MMP16: variants seen among roughly 807,000 people sequenced by gnomAD.
The protein encoded by MMP16 is matrix metallopeptidase 16, also known as matrix metalloproteinase-16.
A neutral mutation model predicts 67.8 loss-of-function variants in MMP16; 12 were observed. That is an observed-to-expected ratio of 0.18 (90% CI 0.11 to 0.29). The LOEUF (loss-of-function observed/expected upper bound fraction) is 0.29. Ranked by LOEUF, MMP16 falls within the 10% of genes least tolerant of loss-of-function variation. The pLI is 1.00. For synonymous variants in MMP16, 249 were observed against 255.9 expected (o/e 0.97, Z 0.26); for missense variants, 475 against 765.7 (o/e 0.62, Z 4.48).
intron 6 of MMP16, among the ~76,000 whole-genome samples, chr8:88,081,343 G>T (rs1428710533): frequency 6.6e-6 from 1 of 152,112 alleles, no homozygotes; most frequent in East Asian, 1.9e-4. Context: ...TCAAAAGCAT[G>T]GAGAAAAAGC....
chr8:88,268,795 T>C (rs1220180927), intron 1 of MMP16, among the ~76,000 whole-genome samples: 2 of 150,650 alleles, frequency 1.3e-5, no homozygotes, highest in Non-Finnish European at 2.9e-5. Flanking sequence ...TCTTTCTCCA[T>C]TTCTTCACAA....
At chr8:88,068,793 C>T (rs1808496070) in intron 7 of MMP16, among the ~76,000 whole-genome samples, 1 of 152,022 alleles carries the variant, frequency 6.6e-6, no homozygotes, top group South Asian at 2.1e-4. Flanking sequence ...CCTCTGCCTC[C>T]CGGGATCAAG....
chr8:88,138,541 C>T (rs914858152), intron 4 of MMP16, among the ~76,000 whole-genome samples: 2 of 152,038 alleles, frequency 1.3e-5, no homozygotes, highest in African/African-American at 4.8e-5. Flanking sequence ...TGCTTCCCTA[C>T]TCTCACGGAT....
intron 2 of MMP16, among the ~76,000 whole-genome samples, chr8:88,195,486 A>G (rs1809235079): frequency 6.6e-6 from 1 of 152,208 alleles, no homozygotes. Flanking sequence ...AACGCTGTCC[A>G]CAGCACTTTG....
chr8:88,288,506 T>C (rs1202710528), intron 1 of MMP16, among the ~76,000 whole-genome samples: 1 of 152,214 alleles, frequency 6.6e-6, no homozygotes, highest in Non-Finnish European at 1.5e-5. Flanking sequence ...CTGAGGTATA[T>C]GATCTATCAT....
intron 1 of MMP16, among the ~76,000 whole-genome samples, chr8:88,294,070 G>A (rs969248940): frequency 2.0e-5 from 3 of 151,896 alleles, no homozygotes; most frequent in Non-Finnish European, 4.4e-5. Flanking sequence ...GGAGACATTT[G>A]CATGTCTAAC....
At chr8:88,170,659 A>G (rs912838691) in intron 3 of MMP16, among the ~76,000 whole-genome samples, 3 of 152,160 alleles carry the variant, frequency 2.0e-5, no homozygotes, top group African/African-American at 7.2e-5. Flanking sequence ...CAGAAAAAAA[A>G]GATAATTTCA....
intron 6 of MMP16, among the ~76,000 whole-genome samples, chr8:88,089,775 G>A (rs758735069): frequency 1.3e-5 from 2 of 151,868 alleles, no homozygotes; most frequent in Admixed American, 6.6e-5. Context: ...CTTGAGTTAG[G>A]TAGAGAAGTA....
At chr8:88,312,209 G>A (rs576403798) in intron 1 of MMP16, among the ~76,000 whole-genome samples, 12 of 152,288 alleles carry the variant, frequency 7.9e-5, no homozygotes, top group Non-Finnish European at 1.2e-4. Context: ...CTCTTCATAC[G>A]GGTATTTTAA....
chr8:88,247,003 C>T (rs1266320194), intron 1 of MMP16, among the ~76,000 whole-genome samples: 2 of 151,980 alleles, frequency 1.3e-5, no homozygotes, highest in African/African-American at 2.4e-5. Flanking sequence ...GAAATTGTTA[C>T]AAAATAAGAC....
At chr8:88,157,778 C>T (rs1252894060) in intron 4 of MMP16, among the ~76,000 whole-genome samples, 2 of 152,034 alleles carry the variant, frequency 1.3e-5, no homozygotes, top group African/African-American at 4.8e-5. Context: ...CCCATTAACT[C>T]GTCATTTACA....
intron 1 of MMP16, among the ~76,000 whole-genome samples, chr8:88,229,924 C>T (rs1314909754): frequency 6.6e-6 from 1 of 152,080 alleles, no homozygotes; most frequent in Non-Finnish European, 1.5e-5. Context: ...CATATTTTAT[C>T]TTATTTCTTC....
At position 88,167,865 on chromosome 8, in the gene MMP16, G is replaced by A; in HGVS notation, c.513C>T (p.Pro171=). ...NVTPLTFEEV[P]YSELENGKRD... is the part of the protein sequence containing the mutation. ...GTTTGCCATTTTCTAATTCACTGTA[G>A]GGAACTTCTTCAAATGTCAGAGGAG... Residue 171 remains proline (P), a synonymous_variant, in exon 4 of 10, where the codon CCC becomes CCT. Transcript: ENST00000286614. 1 of 1,613,990 alleles carries A rather than the reference G, an allele frequency of 6.2e-7. No homozygotes were observed. Among genetic ancestry groups the A allele is most frequent in the Middle Eastern group, 1.7e-4 (1 of 6,060 alleles).
chr8:88,251,224 A>T (rs894107959), intron 1 of MMP16, among the ~76,000 whole-genome samples: 1 of 151,908 alleles, frequency 6.6e-6, no homozygotes, highest in African/African-American at 2.4e-5. Context: ...GAGGCATCAC[A>T]CTACCTGAAT....
At chr8:88,088,452 C>A (rs1808880653) in intron 6 of MMP16, among the ~76,000 whole-genome samples, 1 of 152,014 alleles carries the variant, frequency 6.6e-6, no homozygotes, top group East Asian at 1.9e-4. Context: ...TTGACTTAAT[C>A]TGAATGAGAC....
At chr8:88,236,996 C>T (rs1206651509) in intron 1 of MMP16, among the ~76,000 whole-genome samples, 1 of 152,110 alleles carries the variant, frequency 6.6e-6, no homozygotes, top group East Asian at 1.9e-4. Context: ...ACAAGTCAGG[C>T]GAGGTTATAA....
At chr8:88,059,992 A>G (rs1290081680) in intron 7 of MMP16, among the ~76,000 whole-genome samples, 1 of 152,054 alleles carries the variant, frequency 6.6e-6, no homozygotes, top group Non-Finnish European at 1.5e-5. Flanking sequence ...GATAAAAAAA[A>G]AAAAAGTGAT....
At chr8:88,311,811 G>A (rs1811299066) in intron 1 of MMP16, among the ~76,000 whole-genome samples, 1 of 152,134 alleles carries the variant, frequency 6.6e-6, no homozygotes, top group Non-Finnish European at 1.5e-5. Flanking sequence ...AGAAAGGGGT[G>A]AGGCTGATAA....
chr8:88,244,850 T>C (rs1810089201), intron 1 of MMP16, among the ~76,000 whole-genome samples: 1 of 152,166 alleles, frequency 6.6e-6, no homozygotes, highest in African/African-American at 2.4e-5. Flanking sequence ...TCTCCTAGTC[T>C]CAGTTGATAT....
Sources: allele counts gnomAD v4.1 joint callset (sites outside exome capture counted in the v4.1 genomes callset), GRCh38; gene constraint gnomAD v4.1.1; transcripts MANE v1.5; gene names NCBI Gene and HGNC (gene_info 2026-07-23, HGNC 2026-07-21).